Variants in GALNT13 observed in about 807,000 individuals in gnomAD.
GALNT13 encodes the protein polypeptide N-acetylgalactosaminyltransferase 13, also known as UDP-GalNAc:polypeptide N-acetylgalactosaminyltransferase 13.
GALNT13 carries 28 observed loss-of-function variants against 64.2 expected under a neutral mutation model. The observed-to-expected ratio is 0.44, with a 90% CI of 0.32 to 0.60. GALNT13 has a LOEUF of 0.60. Ranked by LOEUF, GALNT13 falls within the 20% of genes least tolerant of loss-of-function variation. GALNT13 has a pLI of 0.05. For missense variants in GALNT13, 577 were observed against 669.8 expected (o/e 0.86, Z 1.53); for synonymous variants, 214 against 224.6 (o/e 0.95, Z 0.42).
At chr2:154,251,983 A>G (rs1290780246) in intron 7 of GALNT13, among the ~76,000 whole-genome samples, 1 of 151,942 alleles carries the variant, frequency 6.6e-6, no homozygotes, top group African/African-American at 2.4e-5. Context: ...TTGTAAATGT[A>G]AAAAAAACCT....
At chr2:153,717,601 T>G in the GALNT13 span, among the ~76,000 whole-genome samples, 1 of 152,352 alleles carries the variant, frequency 6.6e-6, no homozygotes, top group African/African-American at 2.4e-5. Context: ...ATTGCGTTCT[T>G]GTATTTTATA....
intron 4 of GALNT13, among the ~76,000 whole-genome samples, chr2:154,218,199 G>A (rs1688146026): frequency 6.6e-6 from 1 of 152,146 alleles, no homozygotes; most frequent in East Asian, 1.9e-4. Context: ...GTGAGCCTGA[G>A]CATTAACATT....
chr2:153,507,288 A>G, the GALNT13 span, among the ~76,000 whole-genome samples: 1 of 150,052 alleles, frequency 6.7e-6, no homozygotes, highest in African/African-American at 2.5e-5. Context: ...CTTCTTTTTT[A>G]TTTTTATTTT....
At chr2:154,385,118 TG>T (rs1419159073) in intron 9 of GALNT13, among the ~76,000 whole-genome samples, 1 of 151,948 alleles carries the variant, frequency 6.6e-6, no homozygotes, top group African/African-American at 2.4e-5. Flanking sequence ...AGATAGTATG[TG>T]GCATATAACT....
At chr2:153,872,619 C>CGG (rs1218155488) in intron 1 of GALNT13, among the ~76,000 whole-genome samples, 33 of 16,228 alleles carry the variant, frequency 2.0e-3, no homozygotes, top group South Asian at 0.017. Flanking sequence ...TTGTTGGTGG[C>CGG]GGGGGGGGGG....
chr2:153,290,691 T>G, the GALNT13 span, among the ~76,000 whole-genome samples: 3 of 152,326 alleles, frequency 2.0e-5, no homozygotes, highest in Admixed American at 1.3e-4. Flanking sequence ...GGCATTTGCT[T>G]TAAAAATTCC....
In GALNT13 at chr2:154,453,197, G is replaced by A. The variant is rs981967111; in HGVS notation, c.*2646G>A. ...CCTTGTCTTGAACAATCTTTTCTCA[G>A]TACAACAGCCATAGTGATTCTGTTA... is the stretch of plus-strand genomic sequence containing the variant. On this transcript the variant is annotated 3_prime_UTR_variant, in exon 13 of 13. Coordinates refer to ENST00000392825, the MANE Select transcript of GALNT13 (RefSeq NM_052917.4). 1 of 152,004 alleles carries A rather than the reference G, an allele frequency of 6.6e-6. No homozygotes were observed. The highest frequency in any genetic ancestry group is 1.5e-5 in the Non-Finnish European group (1 of 68,034). The allele number at this position is 152,004 out of a possible 1,614,324, so 9.4% of individuals were successfully genotyped here.
intron 4 of GALNT13, among the ~76,000 whole-genome samples, chr2:154,155,715 C>T (rs947346223): frequency 6.6e-6 from 1 of 151,822 alleles, no homozygotes; most frequent in Non-Finnish European, 1.5e-5. Context: ...CCTGTAGAAG[C>T]CAGTATACTT....
the GALNT13 span, among the ~76,000 whole-genome samples, chr2:153,148,580 G>C: frequency 6.6e-6 from 1 of 151,014 alleles, no homozygotes; most frequent in Non-Finnish European, 1.5e-5. Flanking sequence ...AGTGCTTAGT[G>C]TGTAAGGTGT....
At chr2:153,825,629 TG>T in the GALNT13 span, among the ~76,000 whole-genome samples, 1 of 151,052 alleles carries the variant, frequency 6.6e-6, no homozygotes. Context: ...TGTGTGTGTG[TG>T]TGTGTGTGTG....
chr2:153,524,955 G>A, the GALNT13 span, among the ~76,000 whole-genome samples: 3 of 152,050 alleles, frequency 2.0e-5, no homozygotes, highest in Admixed American at 6.6e-5. Context: ...TCCCCTAATC[G>A]CAGGCTATAC....
the GALNT13 span, among the ~76,000 whole-genome samples, chr2:153,304,037 G>A: frequency 6.6e-6 from 1 of 151,708 alleles, no homozygotes; most frequent in Non-Finnish European, 1.5e-5. Context: ...GGAGACTGGG[G>A]TCTCTGGGCA....
intron 9 of GALNT13, among the ~76,000 whole-genome samples, chr2:154,368,138 A>G (rs1697475254): frequency 1.7e-5 from 2 of 117,916 alleles, no homozygotes; most frequent in African/African-American, 3.3e-5. Flanking sequence ...AGATAATTCA[A>G]TGGATAAATT....
At chr2:154,324,031 C>T (rs1417312083) in intron 9 of GALNT13, among the ~76,000 whole-genome samples, 1 of 152,022 alleles carries the variant, frequency 6.6e-6, no homozygotes, top group Non-Finnish European at 1.5e-5. Flanking sequence ...AATACATTCA[C>T]ATGATTCCAA....
At chr2:153,306,447 A>G in the GALNT13 span, among the ~76,000 whole-genome samples, 4 of 152,324 alleles carry the variant, frequency 2.6e-5, no homozygotes, top group Admixed American at 1.3e-4. Context: ...GACAACTAGC[A>G]TCGAATTTCC....
At chr2:153,953,886 T>G (rs1386374166) in intron 3 of GALNT13, among the ~76,000 whole-genome samples, 2 of 152,140 alleles carry the variant, frequency 1.3e-5, no homozygotes, top group Non-Finnish European at 2.9e-5. Context: ...TGCTGACCAA[T>G]GACTTCAGTT....
At chr2:153,581,911 C>T in the GALNT13 span, among the ~76,000 whole-genome samples, 4 of 152,152 alleles carry the variant, frequency 2.6e-5, 1 homozygote, top group East Asian at 3.9e-4. Flanking sequence ...GTCCTTTGAA[C>T]TTTGCACATC....
intron 7 of GALNT13, among the ~76,000 whole-genome samples, chr2:154,252,264 G>C (rs1310359209): frequency 6.6e-6 from 1 of 151,786 alleles, no homozygotes; most frequent in Non-Finnish European, 1.5e-5. Context: ...TTTATGAAGG[G>C]CAGTCCAAAA....
chr2:154,367,816 A>T (rs1194665460), intron 9 of GALNT13, among the ~76,000 whole-genome samples: 3 of 152,216 alleles, frequency 2.0e-5, no homozygotes, highest in Non-Finnish European at 4.4e-5. Flanking sequence ...TGACAGGCAT[A>T]GATAAAGAAT....
Sources: allele counts gnomAD v4.1 joint callset (sites outside exome capture counted in the v4.1 genomes callset), GRCh38; gene constraint gnomAD v4.1.1; transcripts MANE v1.5; gene names NCBI Gene and HGNC (gene_info 2026-07-23, HGNC 2026-07-21).